PPP6R3: variants seen among roughly 807,000 people sequenced by gnomAD.
The protein encoded by PPP6R3 is serine/threonine-protein phosphatase 6 regulatory subunit 3.
In PPP6R3, 38 loss-of-function variants were observed where a neutral mutation model predicts 110.7. That is an observed-to-expected ratio of 0.34 (90% confidence interval 0.26 to 0.45). PPP6R3 has a LOEUF of 0.45. Ranked by LOEUF, PPP6R3 falls within the 20% of genes least tolerant of loss-of-function variation. The pLI, the probability that PPP6R3 is intolerant of heterozygous loss-of-function variation, is 1.00. For missense variants in PPP6R3, 870 were observed against 1,062.4 expected, an observed-to-expected ratio of 0.82 and a Z score of 2.52; for synonymous variants, 369 against 373.5, an observed-to-expected ratio of 0.99 and a Z score of 0.14.
intron 22 of PPP6R3, among the ~76,000 whole-genome samples, chr11:68,606,023 G>A (rs1275123911): frequency 2.0e-5 from 3 of 152,136 alleles, no homozygotes; most frequent in Non-Finnish European, 2.9e-5. Context: ...CCACTTACAG[G>A]CTACTGAATG....
Position 68,614,845 on chromosome 11 carries a change from G to C in PPP6R3, c.*1728G>C. On this transcript the variant is annotated 3_prime_UTR_variant, in exon 24 of 24. Coordinates refer to ENST00000393800, the MANE Select transcript of PPP6R3 (RefSeq NM_001164161.2). ...TGCTTGCCTCAGGGCTGCCTGACTTGAATGGCGTTGGACCTCGGGGATTAC... is the reference window on the plus strand; with the variant it reads ...TGCTTGCCTCAGGGCTGCCTGACTTCAATGGCGTTGGACCTCGGGGATTAC... 1 of 1,171,668 alleles carries C rather than the reference G, an allele frequency of 8.5e-7. No individual in the cohort carries two copies. The highest frequency in any genetic ancestry group is 1.2e-6 in the Non-Finnish European group (1 of 810,078). 72.6% of individuals were successfully genotyped at this position (1,171,668 alleles called of 1,614,324 possible).
intron 9 of PPP6R3, among the ~76,000 whole-genome samples, chr11:68,566,318 C>T (rs563815413): frequency 5.9e-5 from 9 of 151,508 alleles, no homozygotes; most frequent in African/African-American, 1.9e-4. Flanking sequence ...CTCCTCCTTC[C>T]TCCTTCTCTT....
At chr11:68,496,853 C>CTTT (rs1157617908) in intron 1 of PPP6R3, among the ~76,000 whole-genome samples, 7 of 61,272 alleles carry the variant, frequency 1.1e-4, no homozygotes, top group Non-Finnish European at 1.8e-4. Flanking sequence ...ATATTCTTGT[C>CTTT]TTTTTTTTTT....
rs2099495749 is a variant in PPP6R3, at chr11:68,569,852, A to C, written c.1233A>C (p.Thr411=). The change falls in exon 11 of 24, where the codon ACA becomes ACC. Residue 411 remains threonine, a synonymous_variant. Transcript: ENST00000393800. ...CTTTTGAAAACACAGAAAATGCCAC[A>C]ATTACCGATCAAGACTCCACTGGTG... The part of the protein sequence containing the change: ...ASPFENTENA[T]ITDQDSTGDN... 6.2e-7 allele frequency: 1 copy of C among 1,612,486 alleles called. No homozygotes were observed. The highest frequency in any genetic ancestry group is 1.1e-5 in the South Asian group (1 of 90,944).
At chr11:68,571,332 T>TG in intron 12 of PPP6R3, 1 of 502,156 alleles carries the variant, frequency 2.0e-6, no homozygotes, top group South Asian at 2.5e-5. Flanking sequence ...TTCGGAGTGT[T>TG]CCCCACCTCT....
At chr11:68,557,026 T>TA (rs1301008646) in intron 7 of PPP6R3, among the ~76,000 whole-genome samples, 3 of 152,230 alleles carry the variant, frequency 2.0e-5, no homozygotes, top group Non-Finnish European at 4.4e-5. Context: ...CTCTGATGAG[T>TA]AAGAGCGCTA....
chr11:68,563,569 A>C (rs979897798), intron 8 of PPP6R3, among the ~76,000 whole-genome samples: 2 of 152,206 alleles, frequency 1.3e-5, no homozygotes, highest in Admixed American at 1.3e-4. Flanking sequence ...TTTGGGTAGG[A>C]GAGCATCATT....
At chr11:68,477,220 T>C (rs1043820746) in intron 1 of PPP6R3, among the ~76,000 whole-genome samples, 2 of 151,424 alleles carry the variant, frequency 1.3e-5, no homozygotes, top group Non-Finnish European at 2.9e-5. Flanking sequence ...AATTTTTTTC[T>C]GCTTGTTCTG....
intron 1 of PPP6R3, among the ~76,000 whole-genome samples, chr11:68,483,185 ACTTTT>A (rs1434106266): frequency 6.6e-6 from 1 of 152,202 alleles, no homozygotes; most frequent in Non-Finnish European, 1.5e-5. Flanking sequence ...AGGGAAGAAA[ACTTTT>A]CTTAGAAAAG....
At chr11:68,578,265 G>A (rs1193224168) in intron 14 of PPP6R3, among the ~76,000 whole-genome samples, 2 of 152,178 alleles carry the variant, frequency 1.3e-5, no homozygotes, top group African/African-American at 2.4e-5. Flanking sequence ...ATACGCAATT[G>A]TAAATATTAT....
intron 14 of PPP6R3, among the ~76,000 whole-genome samples, chr11:68,578,480 T>A (rs2099540567): frequency 6.6e-6 from 1 of 152,238 alleles, no homozygotes; most frequent in Non-Finnish European, 1.5e-5. Context: ...CTTCCTTGAT[T>A]TTAGAATAGC....
At position 68,468,844 on chromosome 11, in the gene PPP6R3, T is replaced by G. The variant is rs75635867; in HGVS notation, c.-158+8017T>G. Among the ~76,000 whole-genome samples the G allele has an allele frequency of 4.8e-3, 730 of 152,370 alleles. 13 individuals carry two copies. The East Asian group carries it at 0.059, about 12-fold the overall frequency. ...ATAAATTTGAGGTTTGCAGTTTGCT[T>G]TCTAAAACATCTTTTAAGTTTATTC... On this transcript the variant is annotated intron_variant, in intron 1 of 23. Transcript: ENST00000393800.
At chr11:68,522,276 A>G (rs1391749397) in intron 2 of PPP6R3, among the ~76,000 whole-genome samples, 1 of 152,250 alleles carries the variant, frequency 6.6e-6, no homozygotes, top group Non-Finnish European at 1.5e-5. Context: ...CAGCTCAGAA[A>G]ACATGTCCAC....
At chr11:68,522,225 C>G (rs2099167570) in intron 2 of PPP6R3, among the ~76,000 whole-genome samples, 1 of 152,216 alleles carries the variant, frequency 6.6e-6, no homozygotes, top group Non-Finnish European at 1.5e-5. Flanking sequence ...TTGCCTTTGC[C>G]TTTGCATCAA....
chr11:68,486,335 G>A (rs1385128701), intron 1 of PPP6R3, among the ~76,000 whole-genome samples: 3 of 152,098 alleles, frequency 2.0e-5, no homozygotes, highest in Non-Finnish European at 4.4e-5. Flanking sequence ...GCCGGGTGCA[G>A]TGGCTCACAC....
At chr11:68,529,765 C>T (rs1247728012) in intron 2 of PPP6R3, among the ~76,000 whole-genome samples, 1 of 152,154 alleles carries the variant, frequency 6.6e-6, no homozygotes, top group Non-Finnish European at 1.5e-5. Context: ...CATGATATCT[C>T]CTGTATATTT....
At chr11:68,531,785 C>T (rs1296383090) in intron 2 of PPP6R3, among the ~76,000 whole-genome samples, 1 of 152,150 alleles carries the variant, frequency 6.6e-6, no homozygotes, top group African/African-American at 2.4e-5. Flanking sequence ...TCTCTACAAC[C>T]TGTTTTGCTA....
chr11:68,480,334 C>A (rs2098896876), intron 1 of PPP6R3, among the ~76,000 whole-genome samples: 1 of 152,146 alleles, frequency 6.6e-6, no homozygotes, highest in Admixed American at 6.5e-5. Flanking sequence ...TGAGAATGGC[C>A]AAATGCCCTC....
chr11:68,597,400 A>T (rs1405584907), intron 19 of PPP6R3, among the ~76,000 whole-genome samples: 1 of 152,170 alleles, frequency 6.6e-6, no homozygotes, highest in East Asian at 1.9e-4. Flanking sequence ...CCAGATCAGG[A>T]GTTGTATTCT....
Sources: allele counts gnomAD v4.1 joint callset (sites outside exome capture counted in the v4.1 genomes callset), GRCh38; gene constraint gnomAD v4.1.1; transcripts MANE v1.5; gene names NCBI Gene and HGNC (gene_info 2026-07-23, HGNC 2026-07-21).